CDH5: variants seen among roughly 807,000 people sequenced by gnomAD.
CDH5 encodes cadherin-5.
In CDH5, 28 loss-of-function variants were observed where a neutral mutation model predicts 62.0. The observed-to-expected ratio is 0.45, with a 90% confidence interval of 0.33 to 0.62. CDH5 has a LOEUF of 0.62. CDH5 is among the 20% of genes least tolerant of loss of function. The pLI, the probability that CDH5 is intolerant of heterozygous loss-of-function variation, is 0.02. For synonymous variants in CDH5, 464 were observed against 445.8 expected (o/e 1.04, Z -0.52); for missense variants, 940 against 1,065.1 (o/e 0.88, Z 1.63).
chr16:66,396,087 G>A lies in CDH5; in HGVS notation c.1246G>A (p.Gly416Ser), dbSNP rs369363449. 9 of 1,613,822 alleles carry A rather than the reference G, an allele frequency of 5.6e-6. No homozygotes were observed. The highest frequency in any genetic ancestry group is 4.0e-5 in the African/African-American group (3 of 74,884). The change falls in exon 8 of 12, where the codon GGC (glycine) becomes AGC (serine). Residue 416 changes from glycine (G) to serine (S), a missense_variant. Gly to Ser is a moderately conservative substitution (Grantham distance 56, BLOSUM62 0). Transcript: ENST00000341529. ...CTCCATCCGCAGGACCAGTGACAAG[G>A]GCCAGTTCTTCCGAGTCACAAAAAA... ...GYSIRRTSDK[G>S]QFFRVTKKGD...
chr16:66,386,102 A>G (rs6499078), intron 2 of CDH5, among the ~76,000 whole-genome samples: 104,293 of 152,036 alleles, frequency 0.69, 36,008 homozygotes, highest in East Asian at 0.81. Flanking sequence ...TGACTTCTAC[A>G]GGGCAAAAAT....
intron 1 of CDH5, among the ~76,000 whole-genome samples, chr16:66,371,964 T>C (rs532659391): frequency 1.3e-5 from 2 of 151,664 alleles, no homozygotes; most frequent in South Asian, 4.2e-4. Context: ...CCCTAGCCTC[T>C]CTTTTTGACA....
At chr16:66,387,517 CT>C (rs1219176123) in intron 3 of CDH5, among the ~76,000 whole-genome samples, 1 of 152,232 alleles carries the variant, frequency 6.6e-6, no homozygotes, top group African/African-American at 2.4e-5. Context: ...AGCCCTGCCC[CT>C]AGTCATAGAC....
At chr16:66,380,966 C>T (rs1960888198) in intron 2 of CDH5, among the ~76,000 whole-genome samples, 1 of 152,020 alleles carries the variant, frequency 6.6e-6, no homozygotes, top group South Asian at 2.1e-4. Context: ...CTAGATATCA[C>T]TAACAGAAGG....
intron 7 of CDH5, chr16:66,392,796 GAA>G: frequency 5.5e-6 from 1 of 180,220 alleles, no homozygotes; most frequent in East Asian, 1.7e-4. Context: ...TTTATACAGT[GAA>G]ACAACACAGA....
chr16:66,394,560 C>G (rs1302151484), intron 7 of CDH5, among the ~76,000 whole-genome samples: 4 of 84,316 alleles, frequency 4.7e-5, no homozygotes, highest in Non-Finnish European at 1.0e-4. Flanking sequence ...GTCTATGTTT[C>G]TTTATTTTTT....
At chr16:66,392,025 C>T in intron 6 of CDH5, 111 bp from the exon 7 acceptor site, 1 of 1,339,330 alleles carries the variant, frequency 7.5e-7, no homozygotes, top group Admixed American at 1.8e-5. Context: ...GGCCCCTCAT[C>T]TATAAAATGG....
At chr16:66,381,546 T>C (rs1960898862) in intron 2 of CDH5, among the ~76,000 whole-genome samples, 1 of 152,162 alleles carries the variant, frequency 6.6e-6, no homozygotes, top group Non-Finnish European at 1.5e-5. Context: ...TGCGTTAAAA[T>C]CTCACTTTGT....
chr16:66,388,188 C>G (rs1394422302), intron 3 of CDH5, 136 bp from the exon 4 acceptor site: 2 of 639,096 alleles, frequency 3.1e-6, no homozygotes, highest in Non-Finnish European at 5.5e-6. Flanking sequence ...CCTCAGAAAA[C>G]AAAACAGCCT....
chr16:66,379,192 AC>A, intron 1 of CDH5, 126 bp from the exon 2 acceptor site: 1 of 711,312 alleles, frequency 1.4e-6, no homozygotes, highest in Non-Finnish European at 2.4e-6. Flanking sequence ...AATGTTAATT[AC>A]CCGCAGATTG....
At chr16:66,395,321 C>T (rs1407552122) in intron 7 of CDH5, 3 of 151,044 alleles carry the variant, frequency 2.0e-5, no homozygotes, top group African/African-American at 7.3e-5. Context: ...TTTTTCTTTC[C>T]TCATAAGGAA....
chr16:66,398,387 T>G (rs62037251), intron 9 of CDH5, 69 bp from the exon 10 acceptor site: 57,714 of 1,003,552 alleles, frequency 0.058, 1,977 homozygotes, highest in Non-Finnish European at 0.073. Flanking sequence ...AAAGGCTCCA[T>G]CGCTAAACCT....
At chr16:66,401,782 A>T (rs1961287218) in intron 11 of CDH5, among the ~76,000 whole-genome samples, 2 of 152,178 alleles carry the variant, frequency 1.3e-5, no homozygotes. Context: ...CCGGGGGAGC[A>T]CAGTGATGTA....
chr16:66,381,184 A>G (rs1819023528), intron 2 of CDH5, among the ~76,000 whole-genome samples: 1 of 151,884 alleles, frequency 6.6e-6, no homozygotes, highest in Admixed American at 6.6e-5. Flanking sequence ...CTCCTCAAAA[A>G]CCCCTTCTCT....
At chr16:66,386,657 A>T (rs1244158010) in intron 2 of CDH5, 152 bp from the exon 3 acceptor site, 2 of 631,368 alleles carry the variant, frequency 3.2e-6, no homozygotes, top group Non-Finnish European at 5.4e-6. Context: ...CTTGATAAAA[A>T]ATCTCAGTAT....
rs1017193790 is a variant in CDH5 at position 66,388,310 on chromosome 16, T to C, written c.500-14T>C. On this transcript the variant is annotated splice_polypyrimidine_tract_variant and intron_variant, in intron 3 of 11. Coordinates refer to ENST00000341529, the MANE Select transcript of CDH5 (RefSeq NM_001795.5). Reference sequence around the variant, plus strand: ...CAGTCACAAGTCAGCAACCCCAGGATTCTCTCTCTGCAGGGACCTCAGTCA... The same window carrying C: ...CAGTCACAAGTCAGCAACCCCAGGACTCTCTCTCTGCAGGGACCTCAGTCA... The C allele has an allele frequency of 6.3e-7, 1 of 1,575,020 alleles. No homozygotes were observed. Among genetic ancestry groups the C allele is most frequent in the African/African-American group, 1.3e-5 (1 of 74,138 alleles).
Position 66,386,746 on chromosome 16 carries a change from C to T in CDH5, c.211-63C>T. The T allele has an allele frequency of 2.1e-6, 3 of 1,424,902 alleles. No individual in the cohort carries two copies. In the East Asian group the frequency reaches 7.5e-5, roughly 35 times the overall value. 88.3% of individuals were successfully genotyped at this position (1,424,902 alleles called of 1,614,324 possible). A position where few individuals can be genotyped will look rare whatever the true frequency, so the allele number is the denominator to read the frequency against. On this transcript the variant is annotated intron_variant, in intron 2 of 11. Transcript: ENST00000341529. ...GCACACCTGTGTACACACACTCTCA[C>T]TCACACACTCACACACAGCCACTGC...
Position 66,400,785 on chromosome 16 carries a change from A to T in CDH5, c.1606A>T (p.Ile536Phe), listed in dbSNP as rs376438856. 5.0e-6 allele frequency: 8 copies of T among 1,614,208 alleles called. No individual in the cohort carries two copies. Among genetic ancestry groups the T allele is most frequent in the Non-Finnish European group, 5.9e-6 (7 of 1,180,032 alleles). ...GGTGTTTCCAGATAACACGGCCAACATCACAGTCAAGTATGGGCAGTTTGA... is the reference window on the plus strand; with the variant it reads ...GGTGTTTCCAGATAACACGGCCAACTTCACAGTCAAGTATGGGCAGTTTGA... Reference protein sequence around the residue: ...LTDNHDNTANITVKYGQFDRE... With the variant: ...LTDNHDNTANFTVKYGQFDRE... The change falls in exon 11 of 12, where the codon ATC (isoleucine) becomes TTC (phenylalanine). Residue 536 changes from isoleucine to phenylalanine, a missense_variant. By Grantham distance (21) the Ile-to-Phe change is conservative (BLOSUM62 0). Coordinates refer to ENST00000341529, the MANE Select transcript of CDH5 (RefSeq NM_001795.5).
chr16:66,387,223 G>A (rs1961002541), intron 3 of CDH5, 126 bp downstream of exon 3: 1 of 833,702 alleles, frequency 1.2e-6, no homozygotes, highest in Non-Finnish European at 1.8e-6. Flanking sequence ...TGTAATGCCT[G>A]TGTTGCCACT....
Sources: allele counts gnomAD v4.1 joint callset (sites outside exome capture counted in the v4.1 genomes callset), GRCh38; gene constraint gnomAD v4.1.1; transcripts MANE v1.5; gene names NCBI Gene and HGNC (gene_info 2026-07-23, HGNC 2026-07-21).